VTI1A: variants seen among roughly 807,000 people sequenced by gnomAD.
The protein encoded by VTI1A is vesicle transport through interaction with t-SNAREs homolog 1A.
In VTI1A, 22 loss-of-function variants were observed where a neutral mutation model predicts 34.9. That is an observed-to-expected ratio of 0.63 (90% CI 0.45 to 0.90). VTI1A has a LOEUF of 0.90. Ranked by LOEUF, VTI1A falls within the 40% of genes least tolerant of loss-of-function variation. VTI1A has a pLI of 0.00. For synonymous variants in VTI1A, 87 were observed against 97.3 expected (o/e 0.89, Z 0.62); for missense variants, 268 against 275.6 (o/e 0.97, Z 0.20).
At chr10:112,572,856 A>G (rs1164532335) in intron 5 of VTI1A, among the ~76,000 whole-genome samples, 3 of 152,122 alleles carry the variant, frequency 2.0e-5, no homozygotes, top group African/African-American at 7.2e-5. Flanking sequence ...AAAAAAAAAA[A>G]AAAGAAATGT....
At chr10:112,632,116 C>G (rs1374137789) in intron 5 of VTI1A, among the ~76,000 whole-genome samples, 2 of 152,084 alleles carry the variant, frequency 1.3e-5, no homozygotes, top group African/African-American at 4.8e-5. Flanking sequence ...CCCTAGGGGA[C>G]ATTTTGAACC....
intron 5 of VTI1A, among the ~76,000 whole-genome samples, chr10:112,562,702 A>C (rs1415138651): frequency 6.6e-6 from 1 of 152,174 alleles, no homozygotes; most frequent in Non-Finnish European, 1.5e-5. Context: ...AAAGGAGAGA[A>C]AGAGAGAGAA....
chr10:112,552,180 C>T (rs1015766764), intron 5 of VTI1A, among the ~76,000 whole-genome samples: 4 of 152,094 alleles, frequency 2.6e-5, no homozygotes, highest in Non-Finnish European at 5.9e-5. Context: ...GTTAACTCAT[C>T]GTATCAATCA....
At chr10:112,740,422 T>G (rs1308245398) in intron 7 of VTI1A, among the ~76,000 whole-genome samples, 2 of 152,220 alleles carry the variant, frequency 1.3e-5, no homozygotes, top group Non-Finnish European at 2.9e-5. Context: ...CCTGAGTAGC[T>G]GGGACCACAG....
intron 5 of VTI1A, among the ~76,000 whole-genome samples, chr10:112,616,954 C>T (rs1454268347): frequency 1.3e-5 from 2 of 151,994 alleles, no homozygotes; most frequent in Non-Finnish European, 2.9e-5. Context: ...AATTAGACTT[C>T]CAGAATGACA....
intron 7 of VTI1A, among the ~76,000 whole-genome samples, chr10:112,720,585 A>G (rs1023293618): frequency 2.6e-5 from 4 of 152,192 alleles, no homozygotes; most frequent in Admixed American, 6.6e-5. Flanking sequence ...CAGAACCATT[A>G]GAAACAAATA....
chr10:112,564,269 G>A (rs556469362), intron 5 of VTI1A, among the ~76,000 whole-genome samples: 1 of 150,034 alleles, frequency 6.7e-6, no homozygotes, highest in South Asian at 2.3e-4. Flanking sequence ...TTTTAATTTT[G>A]TTCAGCGCGT....
intron 7 of VTI1A, among the ~76,000 whole-genome samples, chr10:112,787,954 G>A (rs1054165642): frequency 1.3e-5 from 2 of 151,420 alleles, no homozygotes; most frequent in South Asian, 2.1e-4. Flanking sequence ...CACCTGCCTC[G>A]GCCTCCCAAA....
chr10:112,572,512 G>T (rs930523614), intron 5 of VTI1A, among the ~76,000 whole-genome samples: 1 of 152,038 alleles, frequency 6.6e-6, no homozygotes. Flanking sequence ...ATCAAAAATG[G>T]CTGTTTGTCA....
rs138792974 is a variant in VTI1A, at chr10:112,497,510, A to G, written c.265-29577A>G. On this transcript the variant is annotated intron_variant, in intron 3 of 7. Coordinates refer to ENST00000393077, the MANE Select transcript of VTI1A (RefSeq NM_145206.4). ...GGATTATTGTGAAGAGTAAATTAACATACACACACACGTACTCACAGCTCT... is the reference window on the plus strand; with the variant it reads ...GGATTATTGTGAAGAGTAAATTAACGTACACACACACGTACTCACAGCTCT... 6.6e-5 allele frequency among the ~76,000 whole-genome samples: 10 copies of G among 152,344 alleles called. No homozygotes were observed. In the East Asian group the frequency reaches 1.9e-3, roughly 29 times the overall value.
intron 5 of VTI1A, among the ~76,000 whole-genome samples, chr10:112,617,998 A>G (rs1845569517): frequency 6.6e-6 from 1 of 152,190 alleles, no homozygotes; most frequent in Admixed American, 6.5e-5. Context: ...TACTAAAAAT[A>G]TAAAAATTAG....
At chr10:112,610,091 T>A (rs946890949) in intron 5 of VTI1A, among the ~76,000 whole-genome samples, 17 of 150,938 alleles carry the variant, frequency 1.1e-4, no homozygotes, top group Middle Eastern at 3.4e-3. Context: ...GAAAAAAAAA[T>A]GAGGCGCATT....
chr10:112,473,890 A>G (rs1848189186), intron 3 of VTI1A, among the ~76,000 whole-genome samples: 1 of 152,226 alleles, frequency 6.6e-6, no homozygotes, highest in South Asian at 2.1e-4. Flanking sequence ...ATTAAATACA[A>G]CTGAGATTCC....
intron 7 of VTI1A, among the ~76,000 whole-genome samples, chr10:112,709,953 A>T (rs1244674158): frequency 2.1e-5 from 3 of 142,794 alleles, no homozygotes; most frequent in African/African-American, 5.2e-5. Flanking sequence ...GGCCTCCCAA[A>T]GTGCTCTGTG....
chr10:112,757,798 A>G (rs1311649971), intron 7 of VTI1A, among the ~76,000 whole-genome samples: 1 of 152,216 alleles, frequency 6.6e-6, no homozygotes, highest in Non-Finnish European at 1.5e-5. Flanking sequence ...TAATCTGGCC[A>G]CCCAAAGATA....
At position 112,755,212 on chromosome 10, in the gene VTI1A, T is replaced by G. The variant is rs529090192; in HGVS notation, c.561-60078T>G. On this transcript the variant is annotated intron_variant, in intron 7 of 7. Transcript: ENST00000393077. ...TGGAGGTTGCAGCGAGCCGAGATTG[T>G]GCCACTGCACTCCAGCCTGGGTGAC... Among the ~76,000 whole-genome samples, 10 of 152,014 alleles carry G rather than the reference T, an allele frequency of 6.6e-5. No homozygotes were observed. The East Asian group carries it at 1.9e-3, about 29-fold the overall frequency.
intron 5 of VTI1A, among the ~76,000 whole-genome samples, chr10:112,575,912 A>G (rs1843687315): frequency 6.6e-6 from 1 of 151,890 alleles, no homozygotes; most frequent in African/African-American, 2.4e-5. Flanking sequence ...CCAATTAGCA[A>G]TTTATTGTGT....
At chr10:112,505,165 A>G (rs906454314) in intron 3 of VTI1A, among the ~76,000 whole-genome samples, 2 of 152,094 alleles carry the variant, frequency 1.3e-5, no homozygotes, top group East Asian at 3.8e-4. Context: ...ACTCTTATAT[A>G]GTTATGCTTT....
At chr10:112,808,925 G>A (rs1853190606) in intron 7 of VTI1A, among the ~76,000 whole-genome samples, 1 of 152,196 alleles carries the variant, frequency 6.6e-6, no homozygotes, top group South Asian at 2.1e-4. Context: ...AGTAAAGACA[G>A]TATCTTTTTC....
Sources: allele counts gnomAD v4.1 joint callset (sites outside exome capture counted in the v4.1 genomes callset), GRCh38; gene constraint gnomAD v4.1.1; transcripts MANE v1.5; gene names NCBI Gene and HGNC (gene_info 2026-07-23, HGNC 2026-07-21).